Variants in PCNX1 observed in about 807,000 individuals in gnomAD.
PCNX1 encodes the protein pecanex 1, also known as pecanex-like protein 1.
PCNX1 carries 78 observed loss-of-function variants against 242.2 expected under a neutral mutation model. The ratio of observed to expected loss-of-function variants is 0.32; its 90% CI spans 0.27 to 0.39. The LOEUF (loss-of-function observed/expected upper bound fraction) is 0.39. PCNX1 is among the 10% of genes least tolerant of loss of function. The pLI is 1.00. For synonymous variants in PCNX1, 1,024 were observed against 1,032.9 expected (o/e 0.99, Z 0.17); for missense variants, 2,581 against 2,856.5 (o/e 0.90, Z 2.20).
chr14:70,924,324 A>G (rs1473224159), intron 1 of PCNX1, among the ~76,000 whole-genome samples: 2 of 152,114 alleles, frequency 1.3e-5, no homozygotes, highest in Non-Finnish European at 2.9e-5. Flanking sequence ...TTTAGAATGC[A>G]TAGAAAAGTC....
chr14:71,051,480 T>C (rs1266653660), intron 23 of PCNX1, among the ~76,000 whole-genome samples: 1 of 152,196 alleles, frequency 6.6e-6, no homozygotes, highest in Non-Finnish European at 1.5e-5. Flanking sequence ...AATTTTCTAC[T>C]CCCACGATTT....
chr14:71,042,961 T>G (rs2060752600), intron 19 of PCNX1, among the ~76,000 whole-genome samples: 1 of 151,852 alleles, frequency 6.6e-6, no homozygotes, highest in South Asian at 2.1e-4. Context: ...ATTATAGGAC[T>G]CAATAATTTC....
At chr14:71,042,574 G>A (rs1212578629) in intron 19 of PCNX1, among the ~76,000 whole-genome samples, 1 of 151,290 alleles carries the variant, frequency 6.6e-6, no homozygotes, top group African/African-American at 2.4e-5. Flanking sequence ...GGTGAAGTTA[G>A]TTTCCTGTAG....
chr14:70,988,584 G>A lies in PCNX1; in HGVS notation c.2329G>A (p.Glu777Lys), dbSNP rs1488296154. 3.7e-6 allele frequency: 6 copies of A among 1,614,092 alleles called. No homozygotes were observed. Among genetic ancestry groups the A allele is most frequent in the African/African-American group, 1.3e-5 (1 of 75,036 alleles). Residue 777 changes from glutamate to lysine, a missense_variant, in exon 7 of 36, where the codon GAG becomes AAG. Coordinates refer to ENST00000304743, the MANE Select transcript of PCNX1 (RefSeq NM_014982.3). The part of the protein sequence containing the change: ...AVSGAAQASE[E>K]AVSFRRERST... ...TGATGCAGCAGCACAAGCCAGCGAG[G>A]AGGCAGTGTCATTTCGCCGTGAACG...
chr14:70,936,256 A>G (rs2056998835), intron 1 of PCNX1, among the ~76,000 whole-genome samples: 1 of 151,088 alleles, frequency 6.6e-6, no homozygotes, highest in Non-Finnish European at 1.5e-5. Flanking sequence ...CATTAGGTAT[A>G]TCTCCTATTG....
intron 30 of PCNX1, among the ~76,000 whole-genome samples, chr14:71,099,927 T>C (rs1384476842): frequency 6.6e-6 from 1 of 152,202 alleles, no homozygotes; most frequent in African/African-American, 2.4e-5. Context: ...TAAATCTTTC[T>C]CCAGCCCTTT....
At chr14:70,986,818 G>C (rs918259196) in intron 6 of PCNX1, among the ~76,000 whole-genome samples, 1 of 152,196 alleles carries the variant, frequency 6.6e-6, no homozygotes, top group Admixed American at 6.5e-5. Flanking sequence ...ATTGAGCATA[G>C]TAGTTTGTTA....
rs560854753 is a variant in PCNX1, at chr14:71,094,473, G to A, written c.5589+5131G>A. Among the ~76,000 whole-genome samples, 3 of 152,334 alleles carry A rather than the reference G, an allele frequency of 2.0e-5. No individual in the cohort carries two copies. The South Asian group carries it at 6.2e-4, about 32-fold the overall frequency. On this transcript the variant is annotated intron_variant, in intron 30 of 35. Transcript: ENST00000304743. ...GACTTTTAAGAAGATTCTGTTTCCA[G>A]AGAGCTGAAAATATAAAATTTCTAT...
intron 19 of PCNX1, among the ~76,000 whole-genome samples, chr14:71,040,058 T>C (rs12893492): frequency 0.56 from 84,730 of 151,906 alleles, 25,025 homozygotes; most frequent in East Asian, 0.74. Context: ...GTGATCCTCC[T>C]GCCTTGGCAT....
intron 28 of PCNX1, among the ~76,000 whole-genome samples, chr14:71,077,581 T>C (rs1010088140): frequency 7.2e-5 from 11 of 152,256 alleles, no homozygotes; most frequent in Admixed American, 6.5e-4. Context: ...AGCAGTGGCC[T>C]TTGAGCTTTT....
At chr14:71,057,447 A>G in intron 25 of PCNX1, 62 bp from the exon 26 acceptor site, 2 of 1,028,696 alleles carry the variant, frequency 1.9e-6, no homozygotes, top group African/African-American at 3.2e-5. Flanking sequence ...TATTTTTAAC[A>G]ATCTTGTTTG....
chr14:71,080,491 C>T (rs1008539636), intron 28 of PCNX1, among the ~76,000 whole-genome samples: 4 of 152,188 alleles, frequency 2.6e-5, no homozygotes, highest in African/African-American at 9.7e-5. Context: ...AATATTGATT[C>T]TTCCTATCCA....
chr14:71,050,890 C>T (rs1056873679), intron 23 of PCNX1, 130 bp downstream of exon 23: 22 of 862,198 alleles, frequency 2.6e-5, no homozygotes, highest in Admixed American at 8.5e-5. Context: ...TAATCTTGGC[C>T]GGGTGCAGTG....
At chr14:70,968,812 T>C (rs1566635399) in intron 4 of PCNX1, among the ~76,000 whole-genome samples, 1 of 152,232 alleles carries the variant, frequency 6.6e-6, no homozygotes, top group African/African-American at 2.4e-5. Context: ...GTTTGGTTTG[T>C]AGTTCTGTGA....
At chr14:70,925,906 C>T (rs1024003117) in intron 1 of PCNX1, among the ~76,000 whole-genome samples, 5 of 151,784 alleles carry the variant, frequency 3.3e-5, no homozygotes, top group Non-Finnish European at 5.9e-5. Context: ...TTCCATCACC[C>T]TCCACCATCA....
chr14:70,979,079 A>G (rs1293084856), intron 6 of PCNX1, among the ~76,000 whole-genome samples: 2 of 152,200 alleles, frequency 1.3e-5, no homozygotes, highest in Non-Finnish European at 2.9e-5. Flanking sequence ...AGCCTATTAT[A>G]TAAGAGTTTT....
chr14:71,005,324 C>T (rs1193934043), intron 8 of PCNX1, among the ~76,000 whole-genome samples: 3 of 152,042 alleles, frequency 2.0e-5, no homozygotes, highest in Non-Finnish European at 4.4e-5. Flanking sequence ...GGCAGCATAG[C>T]AAGACCCCCA....
intron 19 of PCNX1, among the ~76,000 whole-genome samples, chr14:71,038,758 G>A (rs372902513): frequency 9.9e-5 from 15 of 151,992 alleles, no homozygotes; most frequent in Non-Finnish European, 1.8e-4. Flanking sequence ...TGCTGCTATA[G>A]AGACACATGC....
Position 70,976,939 on chromosome 14 carries a change from C to A in PCNX1, c.605-3C>A. The A allele has an allele frequency of 6.2e-7, 1 of 1,606,510 alleles. No homozygotes were observed. Among genetic ancestry groups the A allele is most frequent in the Non-Finnish European group, 8.5e-7 (1 of 1,175,492 alleles). On this transcript the variant is annotated splice_region_variant and splice_polypyrimidine_tract_variant and intron_variant, in intron 5 of 35. Transcript: ENST00000304743. ...AACATTTCAAAATATGTGTTTGAAA[C>A]AGATTTGGCAGCTGATCGGAAGCTC...
Sources: allele counts gnomAD v4.1 joint callset (sites outside exome capture counted in the v4.1 genomes callset), GRCh38; gene constraint gnomAD v4.1.1; transcripts MANE v1.5; gene names NCBI Gene and HGNC (gene_info 2026-07-23, HGNC 2026-07-21).